The following DPP6 variants were observed in gnomAD, a reference collection of about 807,000 sequenced individuals.
DPP6 encodes dipeptidyl peptidase like 6.
A neutral mutation model predicts 122.6 loss-of-function variants in DPP6; 69 were observed. The ratio of observed to expected loss-of-function variants is 0.56; its 90% confidence interval spans 0.46 to 0.69. The LOEUF (loss-of-function observed/expected upper bound fraction) is 0.69. DPP6 is among the 30% of genes least tolerant of loss of function. The probability of loss-of-function intolerance (pLI) is 0.00; values close to 1 mark genes in which losing one functional copy is unlikely to be tolerated. For synonymous variants in DPP6, 418 were observed against 433.1 expected, an observed-to-expected ratio of 0.97 and a Z score of 0.43; for missense variants, 928 against 1,116.9, an observed-to-expected ratio of 0.83 and a Z score of 2.41.
chr7:153,925,670 C>T (rs925496523), intron 1 of DPP6, among the ~76,000 whole-genome samples: 1 of 152,094 alleles, frequency 6.6e-6, no homozygotes. Context: ...GGTGGAGGGT[C>T]CCTGAGGTTC....
At chr7:154,128,317 C>T (rs1434971371) in intron 1 of DPP6, among the ~76,000 whole-genome samples, 2 of 152,174 alleles carry the variant, frequency 1.3e-5, no homozygotes, top group African/African-American at 4.8e-5. Flanking sequence ...TGGTGGCTCA[C>T]ATCTGTAATC....
chr7:154,332,022 C>T (rs1259829844), intron 1 of DPP6, among the ~76,000 whole-genome samples: 2 of 151,828 alleles, frequency 1.3e-5, no homozygotes, highest in Non-Finnish European at 2.9e-5. Flanking sequence ...GTAAGAAATA[C>T]AGGACTCAAA....
the DPP6 span, among the ~76,000 whole-genome samples, chr7:153,860,894 A>G: frequency 6.6e-6 from 1 of 152,208 alleles, no homozygotes; most frequent in Non-Finnish European, 1.5e-5. Flanking sequence ...GTACCTAAAC[A>G]AAGCAGAGGA....
At chr7:154,011,950 G>T (rs1798172101) in intron 1 of DPP6, among the ~76,000 whole-genome samples, 1 of 152,166 alleles carries the variant, frequency 6.6e-6, no homozygotes, top group African/African-American at 2.4e-5. Context: ...ATGTTTTTAT[G>T]ATGAAACTGT....
intron 1 of DPP6, among the ~76,000 whole-genome samples, chr7:154,102,817 C>G (rs544070106): frequency 6.7e-4 from 102 of 152,204 alleles, no homozygotes; most frequent in Non-Finnish European, 1.4e-3. Flanking sequence ...CTGTTCCTCT[C>G]TTAATGTGCA....
chr7:154,061,804 G>T (rs1385242528), intron 1 of DPP6, among the ~76,000 whole-genome samples: 1 of 138,650 alleles, frequency 7.2e-6, no homozygotes, highest in Non-Finnish European at 1.6e-5. Flanking sequence ...GCGACGCGGG[G>T]ACTGAGAGCG....
At chr7:153,829,377 G>A in the DPP6 span, among the ~76,000 whole-genome samples, 1 of 152,012 alleles carries the variant, frequency 6.6e-6, no homozygotes, top group Non-Finnish European at 1.5e-5. Context: ...CACCATGCCT[G>A]GCTAATTTTT....
intron 1 of DPP6, among the ~76,000 whole-genome samples, chr7:154,335,218 G>A (rs1433310400): frequency 6.6e-6 from 1 of 152,192 alleles, no homozygotes; most frequent in East Asian, 1.9e-4. Flanking sequence ...AAAGCAATGG[G>A]TAATTGCCAT....
chr7:154,274,598 G>A (rs1250080992), intron 1 of DPP6, among the ~76,000 whole-genome samples: 1 of 152,174 alleles, frequency 6.6e-6, no homozygotes, highest in African/African-American at 2.4e-5. Context: ...ATGCACTTTA[G>A]AAGATTTGAT....
At chr7:154,247,186 G>A (rs976994893) in intron 1 of DPP6, among the ~76,000 whole-genome samples, 1 of 152,074 alleles carries the variant, frequency 6.6e-6, no homozygotes, top group Admixed American at 6.5e-5. Flanking sequence ...GGTGGTGTGT[G>A]CCTGTAGTTT....
chr7:153,935,748 CCCA>C (rs1801406464), intron 1 of DPP6, among the ~76,000 whole-genome samples: 1 of 152,204 alleles, frequency 6.6e-6, no homozygotes, highest in Admixed American at 6.5e-5. Flanking sequence ...TGCAGACTTC[CCCA>C]CCACCACGCG....
intron 1 of DPP6, among the ~76,000 whole-genome samples, chr7:154,417,280 C>T (rs1817107388): frequency 6.6e-6 from 1 of 152,210 alleles, no homozygotes; most frequent in Non-Finnish European, 1.5e-5. Context: ...CAATTTTCAT[C>T]TACATGAAAC....
chr7:154,479,745 C>T (rs1191694552), intron 3 of DPP6, among the ~76,000 whole-genome samples: 5 of 151,994 alleles, frequency 3.3e-5, no homozygotes, highest in African/African-American at 4.8e-5. Context: ...CCCTTTGTGC[C>T]ATTCTGGGAC....
intron 7 of DPP6, among the ~76,000 whole-genome samples, chr7:154,679,451 C>T (rs572390685): frequency 6.6e-6 from 1 of 152,108 alleles, no homozygotes; most frequent in Non-Finnish European, 1.5e-5. Flanking sequence ...GTCCGCAGTT[C>T]CCCATTACCA....
intron 1 of DPP6, among the ~76,000 whole-genome samples, chr7:154,213,602 G>A (rs1481069665): frequency 6.6e-6 from 1 of 152,190 alleles, no homozygotes; most frequent in Admixed American, 6.5e-5. Flanking sequence ...TCTGAGGTCT[G>A]ACCACTGTGC....
chr7:154,778,084 A>G (rs887692739), intron 10 of DPP6, among the ~76,000 whole-genome samples: 2 of 152,118 alleles, frequency 1.3e-5, no homozygotes, highest in African/African-American at 4.8e-5. Flanking sequence ...GAATGCTTAG[A>G]GGACCTTTGT....
At chr7:154,701,369 T>A (rs1030372796) in intron 7 of DPP6, among the ~76,000 whole-genome samples, 1 of 152,226 alleles carries the variant, frequency 6.6e-6, no homozygotes, top group African/African-American at 2.4e-5. Flanking sequence ...TATACCTTTT[T>A]TAAAGTATAA....
At chr7:154,251,355 C>A (rs764460570) in intron 1 of DPP6, among the ~76,000 whole-genome samples, 1 of 152,102 alleles carries the variant, frequency 6.6e-6, no homozygotes, top group South Asian at 2.1e-4. Flanking sequence ...CTAGCAAAGC[C>A]GTGAAGCCAT....
At chr7:154,043,393 CAAAAAAAAAAAAAAAAAAAAAAA>C (rs58641655) in intron 1 of DPP6, among the ~76,000 whole-genome samples, 25 of 5,882 alleles carry the variant, frequency 4.3e-3, no homozygotes, top group African/African-American at 5.4e-3. Context: ...AACTCCATCT[CAAAAAAAAAAAAAAAAAAAAAAA>C]AAAAAAAAAA....
Sources: allele counts gnomAD v4.1 joint callset (sites outside exome capture counted in the v4.1 genomes callset), GRCh38; gene constraint gnomAD v4.1.1; transcripts MANE v1.5; gene names NCBI Gene and HGNC (gene_info 2026-07-23, HGNC 2026-07-21).